DCC: variants seen among roughly 807,000 people sequenced by gnomAD.
DCC encodes the protein netrin receptor DCC.
DCC carries 58 observed loss-of-function variants against 172.5 expected under a neutral mutation model. That is an observed-to-expected ratio of 0.34 (90% CI 0.27 to 0.42). DCC has a LOEUF of 0.42. Ranked by LOEUF, DCC falls within the 10% of genes least tolerant of loss-of-function variation. DCC has a pLI of 1.00. For synonymous variants in DCC, 709 were observed against 644.5 expected (o/e 1.10, Z -1.52); for missense variants, 1,740 against 1,791.0 (o/e 0.97, Z 0.51).
At chr18:52,921,747 A>G (rs2145482400) in intron 3 of DCC, among the ~76,000 whole-genome samples, 1 of 150,974 alleles carries the variant, frequency 6.6e-6, no homozygotes, top group Non-Finnish European at 1.5e-5. Flanking sequence ...GAAAGGAAAA[A>G]GTGTCCCTTC....
intron 1 of DCC, among the ~76,000 whole-genome samples, chr18:52,469,024 A>T (rs1988868686): frequency 7.2e-6 from 1 of 139,568 alleles, no homozygotes; most frequent in African/African-American, 2.7e-5. Context: ...AGTGGAAAAC[A>T]ATTTTGATTT....
Position 53,137,422 on chromosome 18 carries a change from C to T in DCC, c.1262-19934C>T, listed in dbSNP as rs112159950. Among the ~76,000 whole-genome samples the T allele has an allele frequency of 6.0e-3, 914 of 152,344 alleles. 13 individuals carry two copies. Among genetic ancestry groups the T allele is most frequent in the African/African-American group, 0.021 (856 of 41,576 alleles). On this transcript the variant is annotated intron_variant, in intron 7 of 28. Transcript: ENST00000442544. The stretch of plus-strand genomic sequence containing the variant: ...CACTCAGCGTTCCTGGCCATGTAGC[C>T]TCTCCATAGGAAGCTCACAACATGA...
rs73461547 is a variant in DCC, at chr18:53,194,791, A to G, written c.1574-10425A>G. 1.7e-3 allele frequency among the ~76,000 whole-genome samples: 253 copies of G among 152,230 alleles called. 2 individuals are homozygous for G. The highest frequency in any genetic ancestry group is 6.0e-3 in the African/African-American group (249 of 41,540). ...GGCCCAGGTTTGGTTTTTAAGCATA[A>G]TCTTGGTCAGAACTTGGGCCACATC... On this transcript the variant is annotated intron_variant, in intron 9 of 28. Coordinates refer to ENST00000442544, the MANE Select transcript of DCC (RefSeq NM_005215.4).
At chr18:53,424,966 A>G (rs1318628670) in intron 21 of DCC, among the ~76,000 whole-genome samples, 1 of 152,008 alleles carries the variant, frequency 6.6e-6, no homozygotes, top group African/African-American at 2.4e-5. Context: ...AGCCCTGGAA[A>G]CCCATCCACT....
chr18:53,266,384 G>T (rs2056674991), intron 12 of DCC, among the ~76,000 whole-genome samples: 1 of 152,082 alleles, frequency 6.6e-6, no homozygotes, highest in Non-Finnish European at 1.5e-5. Flanking sequence ...TTTTATTATT[G>T]TTGTTTTATG....
chr18:52,939,545 A>G (rs1415968500), intron 5 of DCC, among the ~76,000 whole-genome samples: 1 of 152,212 alleles, frequency 6.6e-6, no homozygotes, highest in Non-Finnish European at 1.5e-5. Context: ...ATTTGTTACC[A>G]TCATCATCCA....
chr18:52,851,822 G>T (rs75510319), intron 2 of DCC, among the ~76,000 whole-genome samples: 9,695 of 152,064 alleles, frequency 0.064, 289 homozygotes, highest in East Asian at 0.076. Flanking sequence ...CAAAATTATG[G>T]ACAAGGATAT....
chr18:53,270,403 T>C (rs1377957008), intron 12 of DCC, among the ~76,000 whole-genome samples: 1 of 152,164 alleles, frequency 6.6e-6, no homozygotes, highest in Non-Finnish European at 1.5e-5. Context: ...TATTTTCATA[T>C]AGGAAGAATA....
At chr18:53,492,208 T>G (rs555875275) in intron 26 of DCC, among the ~76,000 whole-genome samples, 344 of 152,326 alleles carry the variant, frequency 2.3e-3, no homozygotes, top group Non-Finnish European at 3.9e-3. Context: ...TAAATAAATA[T>G]TAGTCTTTTG....
At chr18:52,783,884 TGATCAAATTGGGGTATTTAG>T (rs2037603095) in intron 2 of DCC, among the ~76,000 whole-genome samples, 1 of 152,084 alleles carries the variant, frequency 6.6e-6, no homozygotes, top group Admixed American at 6.6e-5. Flanking sequence ...TGTGGAGGAA[TGATCAAATTGGGGTATTTAG>T]GATATCCATC....
Position 53,322,096 on chromosome 18 carries a change from C to T in DCC, c.2103C>T (p.Val701=). The T allele has an allele frequency of 6.2e-7, 1 of 1,610,470 alleles. No homozygotes were observed. Among genetic ancestry groups the T allele is most frequent in the Non-Finnish European group, 8.5e-7 (1 of 1,176,656 alleles). Residue 701 remains valine, a synonymous_variant, in exon 14 of 29, where the codon GTC becomes GTT. Transcript: ENST00000442544. ...QYSFQVSAMT[V]NGTGPPSNWY... is the part of the protein sequence containing the mutation. ...GTTTCCAGGTGTCAGCCATGACAGT[C>T]AATGGTACTGGACCACCTTCCAACT...
At position 53,120,176 on chromosome 18, in the gene DCC, T is replaced by C. The variant is rs185475262; in HGVS notation, c.1262-37180T>C. Among the ~76,000 whole-genome samples the C allele has an allele frequency of 3.4e-3, 524 of 151,954 alleles. 2 individuals carry two copies. Among genetic ancestry groups the C allele is most frequent in the African/African-American group, 0.012 (510 of 41,528 alleles). On this transcript the variant is annotated intron_variant, in intron 7 of 28. Coordinates refer to ENST00000442544, the MANE Select transcript of DCC (RefSeq NM_005215.4). ...TTTTATATGAGGTGTTTATTACAAT[T>C]CTGAAATTAAAATATATTGTGTCTG...
At chr18:52,872,271 G>C (rs974256479) in intron 2 of DCC, among the ~76,000 whole-genome samples, 8 of 152,142 alleles carry the variant, frequency 5.3e-5, no homozygotes, top group Admixed American at 5.2e-4. Flanking sequence ...TAGCAAAGGT[G>C]GGTGGTCTTA....
chr18:52,795,607 C>T (rs2037859878), intron 2 of DCC, among the ~76,000 whole-genome samples: 1 of 151,882 alleles, frequency 6.6e-6, no homozygotes, highest in South Asian at 2.1e-4. Context: ...GTTTTTAGTT[C>T]TCTAATTTTT....
intron 21 of DCC, among the ~76,000 whole-genome samples, chr18:53,431,316 A>G (rs1005832167): frequency 1.3e-5 from 2 of 151,722 alleles, no homozygotes; most frequent in South Asian, 4.1e-4. Flanking sequence ...ATAAAATTCC[A>G]AAGTTGTTAA....
intron 5 of DCC, among the ~76,000 whole-genome samples, chr18:53,032,696 G>T (rs2042042093): frequency 6.6e-6 from 1 of 152,142 alleles, no homozygotes; most frequent in Non-Finnish European, 1.5e-5. Context: ...CCTTGGAGAT[G>T]AAGAGCTAGT....
intron 12 of DCC, among the ~76,000 whole-genome samples, chr18:53,305,236 C>A (rs1020941889): frequency 2.0e-5 from 3 of 152,172 alleles, no homozygotes; most frequent in Non-Finnish European, 4.4e-5. Context: ...CCGATTTGCA[C>A]CTTCCAAATA....
intron 12 of DCC, among the ~76,000 whole-genome samples, chr18:53,230,619 A>G (rs1009985310): frequency 1.3e-5 from 2 of 152,090 alleles, no homozygotes; most frequent in Admixed American, 1.3e-4. Context: ...AATTTAAATC[A>G]TCAAAGTAAG....
chr18:52,361,854 A>T (rs538047461), intron 1 of DCC, among the ~76,000 whole-genome samples: 1 of 152,348 alleles, frequency 6.6e-6, no homozygotes. Context: ...GGAAGGAACC[A>T]GTATCACCAC....
Sources: allele counts gnomAD v4.1 joint callset (sites outside exome capture counted in the v4.1 genomes callset), GRCh38; gene constraint gnomAD v4.1.1; transcripts MANE v1.5; gene names NCBI Gene and HGNC (gene_info 2026-07-23, HGNC 2026-07-21).